The following MTRES1 variants were observed in gnomAD, a reference collection of about 807,000 sequenced individuals.
MTRES1 encodes uncharacterized protein C6orf203.
Under a neutral mutation model 17.4 loss-of-function variants are expected in MTRES1, and 11 were observed. The ratio of observed to expected loss-of-function variants is 0.63; its 90% CI spans 0.40 to 1.05. The LOEUF (loss-of-function observed/expected upper bound fraction) is 1.05. MTRES1 is among the 50% of genes least tolerant of loss of function. The pLI, the probability that MTRES1 is intolerant of heterozygous loss-of-function variation, is 0.00. For synonymous variants in MTRES1, 94 were observed against 99.6 expected (o/e 0.94, Z 0.34); for missense variants, 268 against 276.2 (o/e 0.97, Z 0.21).
Position 107,040,416 on chromosome 6 carries a change from G to A in MTRES1, c.470+186G>A, listed in dbSNP as rs1774162373. On this transcript the variant is annotated intron_variant, in intron 2 of 3. Transcript: ENST00000311381. Reference sequence around the variant, plus strand: ...TGATTTCCAAAGAAGTCAAGTGACTGCCTGCAAATCCTATGTGCCATATTT... The same window carrying A: ...TGATTTCCAAAGAAGTCAAGTGACTACCTGCAAATCCTATGTGCCATATTT... The A allele has an allele frequency of 6.7e-6, 3 of 447,020 alleles. No homozygotes were observed. In the South Asian group the frequency reaches 1.0e-4, roughly 15 times the overall value. The allele number at this position is 447,020 out of a possible 1,614,324, so 27.7% of individuals were successfully genotyped here.
intron 1 of MTRES1, among the ~76,000 whole-genome samples, chr6:107,033,122 A>G (rs1773896921): frequency 6.6e-6 from 1 of 152,198 alleles, no homozygotes; most frequent in Non-Finnish European, 1.5e-5. Flanking sequence ...TAGAAATTGA[A>G]TCTGCAACCA....
intron 1 of MTRES1, among the ~76,000 whole-genome samples, chr6:107,029,496 G>GTT (rs558351343): frequency 3.0e-3 from 379 of 126,576 alleles, no homozygotes; most frequent in East Asian, 0.022. Flanking sequence ...CTGTTTTGTT[G>GTT]TTTTTTTTTT....
At chr6:107,028,796 C>T (rs1582585892) in intron 1 of MTRES1, 1 of 680,388 alleles carries the variant, frequency 1.5e-6, no homozygotes, top group Non-Finnish European at 1.8e-6. Context: ...TTACAGTCTT[C>T]GGTTAGTTCA....
chr6:107,051,288 C>A lies in MTRES1; in HGVS notation c.*52C>A. On this transcript the variant is annotated 3_prime_UTR_variant, in exon 4 of 4. Transcript: ENST00000311381. ...GCTTTCTAGTGGTAAAGGAAGGGGT[C>A]ACCTGAAAAATAGGACATTTTTATT... 2 of 1,420,470 alleles carry A rather than the reference C, an allele frequency of 1.4e-6. No homozygotes were observed. The highest frequency in any genetic ancestry group is 2.3e-5 in the East Asian group (1 of 42,790). 88.0% of individuals were successfully genotyped at this position (1,420,470 alleles called of 1,614,324 possible).
At chr6:107,035,765 C>T (rs1315389425) in intron 1 of MTRES1, among the ~76,000 whole-genome samples, 1 of 152,130 alleles carries the variant, frequency 6.6e-6, no homozygotes, top group East Asian at 1.9e-4. Context: ...TCTCCTGCCT[C>T]AGCCTCCCGA....
Position 107,046,096 on chromosome 6 carries a change from G to A in MTRES1, c.543+1764G>A, listed in dbSNP as rs564459188. On this transcript the variant is annotated intron_variant, in intron 3 of 3. Transcript: ENST00000311381. Reference sequence around the variant, plus strand: ...CCTGGTGATGCCCCTGACTTGAACCGGCAGGCTGGGACTGTGGCTGGCTGT... The same window carrying A: ...CCTGGTGATGCCCCTGACTTGAACCAGCAGGCTGGGACTGTGGCTGGCTGT... Among the ~76,000 whole-genome samples, 11 of 152,288 alleles carry A rather than the reference G, an allele frequency of 7.2e-5. No homozygotes were observed. The South Asian group carries it at 1.0e-3, about 14-fold the overall frequency.
intron 1 of MTRES1, chr6:107,028,905 T>C: frequency 1.0e-6 from 1 of 984,544 alleles, no homozygotes; most frequent in East Asian, 1.1e-4. Flanking sequence ...AAGAGATCTT[T>C]TAAAATGAAC....
intron 2 of MTRES1, among the ~76,000 whole-genome samples, chr6:107,042,484 C>A (rs1345218574): frequency 2.7e-5 from 4 of 149,638 alleles, no homozygotes; most frequent in Non-Finnish European, 5.9e-5. Flanking sequence ...GTAGTAACTC[C>A]TGCTGTTGTT....
intron 3 of MTRES1, among the ~76,000 whole-genome samples, chr6:107,046,195 G>A (rs533394114): frequency 1.1e-4 from 16 of 152,270 alleles, no homozygotes; most frequent in African/African-American, 3.9e-4. Context: ...TCCTGCTGTA[G>A]CCTGCCCTCC....
intron 1 of MTRES1, among the ~76,000 whole-genome samples, chr6:107,038,518 C>T (rs573831445): frequency 6.6e-6 from 1 of 152,260 alleles, no homozygotes; most frequent in African/African-American, 2.4e-5. Context: ...AGACCCCTTC[C>T]TTGTCTGCTA....
intron 1 of MTRES1, among the ~76,000 whole-genome samples, chr6:107,034,174 A>T (rs1252840933): frequency 6.6e-6 from 1 of 152,230 alleles, no homozygotes; most frequent in African/African-American, 2.4e-5. Flanking sequence ...GAGCCACATC[A>T]TATCTAGGCA....
intron 3 of MTRES1, among the ~76,000 whole-genome samples, chr6:107,045,705 AAC>A (rs1774368938): frequency 6.6e-6 from 1 of 152,210 alleles, no homozygotes; most frequent in South Asian, 2.1e-4. Context: ...AAGTTAACAA[AAC>A]ACAATAAAAA....
chr6:107,040,346 T>A, intron 2 of MTRES1, 116 bp downstream of exon 2: 1 of 872,024 alleles, frequency 1.1e-6, no homozygotes, highest in South Asian at 2.3e-5. Context: ...AAAGGACCTT[T>A]GTAGGTAACC....
intron 2 of MTRES1, among the ~76,000 whole-genome samples, chr6:107,041,887 T>C (rs1355416051): frequency 1.3e-5 from 2 of 152,178 alleles, no homozygotes; most frequent in African/African-American, 4.8e-5. Flanking sequence ...AATAGTGGCC[T>C]TCATTGTTCA....
intron 2 of MTRES1, among the ~76,000 whole-genome samples, chr6:107,042,530 C>G (rs566512466): frequency 2.2e-4 from 34 of 151,602 alleles, no homozygotes; most frequent in Non-Finnish European, 3.8e-4. Context: ...CACCTGGAAT[C>G]AGATATCAAA....
Position 107,040,166 on chromosome 6 carries a change from GA to G in MTRES1, c.411del (p.Ala138GlnfsTer11). The stretch of plus-strand genomic sequence containing the variant: ...TGTAGTCAAAAACTATAAAGACCTG[GA>G]AAAAGCAGTTCAGTCTTTTCGGTAT... ...PTVVKNYKDLEKAVQSFRYDV... is the reference protein window; with the variant it reads ...PTVVKNYKDLXKAVQSFRYDV... On this transcript the variant is annotated frameshift_variant, in exon 2 of 4. Transcript: ENST00000311381. LOFTEE classifies it high-confidence loss of function. 6.2e-7 allele frequency: 1 copy of G among 1,611,122 alleles called. No homozygotes were observed. The highest frequency in any genetic ancestry group is 8.5e-7 in the Non-Finnish European group (1 of 1,179,372).
At position 107,029,496 on chromosome 6, in the gene MTRES1, GT is replaced by G. The variant is rs558351343; in HGVS notation, c.-13+1236del. Reference sequence around the variant, plus strand: ...GCCACCGCGCCCGGCCTGTTTTGTTGTTTTTTTTTTTGACACTCGCTCTGTC... The same window carrying G: ...GCCACCGCGCCCGGCCTGTTTTGTTGTTTTTTTTTTGACACTCGCTCTGTC... On this transcript the variant is annotated intron_variant, in intron 1 of 3. Transcript: ENST00000311381. Among the ~76,000 whole-genome samples, 168 of 126,514 alleles carry G rather than the reference GT, an allele frequency of 1.3e-3. 1 individual carries two copies. The East Asian group carries it at 0.025, about 19-fold the overall frequency. 83.0% of individuals were successfully genotyped at this position (126,514 alleles called of 152,430 possible). A position where few individuals can be genotyped will look rare whatever the true frequency, so the allele number is the denominator to read the frequency against.
intron 3 of MTRES1, among the ~76,000 whole-genome samples, chr6:107,048,009 A>G (rs1163316926): frequency 1.3e-5 from 2 of 152,212 alleles, no homozygotes; most frequent in Non-Finnish European, 2.9e-5. Context: ...GCTACAGTAC[A>G]CTATGATTAT....
intron 3 of MTRES1, among the ~76,000 whole-genome samples, chr6:107,049,408 CTTTTTTTTT>C (rs782057719): frequency 1.0e-5 from 1 of 99,364 alleles, no homozygotes; most frequent in South Asian, 3.6e-4. Context: ...TATGGCCCTT[CTTTTTTTTT>C]TTTTTTTTTT....
Sources: gnomAD v4.1 joint callset for allele counts (sites outside exome capture counted in the v4.1 genomes callset) on GRCh38, gnomAD v4.1.1 for gene constraint, MANE v1.5 for transcripts, NCBI Gene and HGNC (gene_info 2026-07-23, HGNC 2026-07-21) for gene names.